POGZ: variants seen among roughly 807,000 people sequenced by gnomAD.
POGZ encodes pogo transposable element with ZNF domain.
POGZ carries 17 observed loss-of-function variants against 134.6 expected under a neutral mutation model. The ratio of observed to expected loss-of-function variants is 0.13; its 90% CI spans 0.09 to 0.19. POGZ has a LOEUF of 0.19. POGZ is among the 10% of genes least tolerant of loss of function. The pLI is 1.00. For missense variants in POGZ, 1,306 were observed against 1,769.7 expected, an observed-to-expected ratio of 0.74 and a Z score of 4.70; for synonymous variants, 693 against 657.1, an observed-to-expected ratio of 1.05 and a Z score of -0.84.
Position 151,406,215 on chromosome 1 carries a change from C to T in POGZ, c.2820G>A (p.Leu940=), listed in dbSNP as rs778536326. 6.2e-7 allele frequency: 1 copy of T among 1,614,180 alleles called. No homozygotes were observed. ...TCCCTTCATCCTGATCATCAACATT[C>T]AGACATTCGGCTCCCTCTGTAGCCA... The part of the protein sequence containing the change: ...PPLATEGAEC[L]NVDDQDEGSP... Residue 940 remains leucine (L), a synonymous_variant, in exon 19 of 19, where the codon CTG becomes CTA. Coordinates refer to ENST00000271715, the MANE Select transcript of POGZ (RefSeq NM_015100.4).
At position 151,428,138 on chromosome 1, in the gene POGZ, T is replaced by C. The variant is rs1321973662; in HGVS notation, c.844A>G (p.Thr282Ala). 2 of 1,614,106 alleles carry C rather than the reference T, an allele frequency of 1.2e-6. No homozygotes were observed. Among genetic ancestry groups the C allele is most frequent in the South Asian group, 1.1e-5 (1 of 91,082 alleles). ...GAAGCCTTACCTAGCTTGGGATTCG[T>C]GGTCTGGTTTGACTGGCCTGGAGAC... Reference protein sequence around the residue: ...VQSPGQSNQTTNPKLAPSFPS... With the variant: ...VQSPGQSNQTANPKLAPSFPS... The change falls in exon 6 of 19, where the codon ACG (threonine) becomes GCG (alanine). Residue 282 changes from threonine to alanine, a missense_variant. By Grantham distance (58) the Thr-to-Ala change is moderately conservative. This residue lies in a region of POGZ where 541 missense variants were observed against 680.5 expected (regional missense o/e 0.80). Coordinates refer to ENST00000271715, the MANE Select transcript of POGZ (RefSeq NM_015100.4).
chr1:151,427,971 T>C lies in POGZ; in HGVS notation c.930A>G (p.Thr310=), dbSNP rs115103475. The C allele has an allele frequency of 3.0e-3, 4,853 of 1,614,194 alleles. 103 individuals carry two copies. In the African/African-American group the frequency reaches 0.051, roughly 17 times the overall value. ...SFVTVKRPGV[T]GENSNEVAKL... ...TGGCCACTTCATTGCTATTTTCGCC[T>C]GTAACACCAGGTCGCTTCACAGTGA... Residue 310 remains threonine (T), a synonymous_variant, in exon 7 of 19, where the codon ACA becomes ACG. Coordinates refer to ENST00000271715, the MANE Select transcript of POGZ (RefSeq NM_015100.4).
At chr1:151,456,098 C>T (rs190720706) in intron 1 of POGZ, among the ~76,000 whole-genome samples, 5 of 151,980 alleles carry the variant, frequency 3.3e-5, no homozygotes, top group Non-Finnish European at 7.4e-5. Context: ...CCACATCAAT[C>T]CACTTTTTTA....
chr1:151,416,862 GCTCAAGCAAT>G (rs1217440050), intron 10 of POGZ, among the ~76,000 whole-genome samples: 1 of 151,936 alleles, frequency 6.6e-6, no homozygotes, highest in Non-Finnish European at 1.5e-5. Context: ...AAACTCCTGG[GCTCAAGCAAT>G]CCTCACGCCT....
chr1:151,446,274 A>AAAAAAG lies in POGZ; in HGVS notation c.-1-4070_-1-4069insCTTTTT, dbSNP rs139456031. ...ATAAGGAAAAAAAAAAAAAAAAAAA[A>AAAAAAG]CGAATTTTATTCCCTCTTCCCTAAT... On this transcript the variant is annotated intron_variant, in intron 1 of 18. Coordinates refer to ENST00000271715, the MANE Select transcript of POGZ (RefSeq NM_015100.4). Among the ~76,000 whole-genome samples the AAAAAAG allele has an allele frequency of 2.5e-4, 32 of 126,230 alleles. 3 individuals carry two copies. The highest frequency in any genetic ancestry group is 3.5e-4 in the Non-Finnish European group (21 of 59,592). 82.8% of individuals were successfully genotyped at this position (126,230 alleles called of 152,430 possible).
chr1:151,446,599 T>C (rs1661308212), intron 1 of POGZ, among the ~76,000 whole-genome samples: 1 of 151,380 alleles, frequency 6.6e-6, no homozygotes, highest in Non-Finnish European at 1.5e-5. Flanking sequence ...CTACTAAAAA[T>C]ACAAAAATTA....
At chr1:151,423,852 AG>A in intron 9 of POGZ, 96 bp downstream of exon 9, 4 of 881,300 alleles carry the variant, frequency 4.5e-6, no homozygotes, top group Non-Finnish European at 6.9e-6. Context: ...ACTGCATAGT[AG>A]TTAGGTCCAT....
intron 1 of POGZ, among the ~76,000 whole-genome samples, chr1:151,449,570 T>C (rs1309238214): frequency 6.6e-6 from 1 of 152,170 alleles, no homozygotes; most frequent in African/African-American, 2.4e-5. Context: ...CCACATTCTA[T>C]ACATAAAGAA....
intron 3 of POGZ, among the ~76,000 whole-genome samples, chr1:151,434,659 T>G (rs1659285947): frequency 6.6e-6 from 1 of 152,146 alleles, no homozygotes; most frequent in South Asian, 2.1e-4. Flanking sequence ...CTTGGCTCAC[T>G]GCAACCTCTG....
chr1:151,411,778 C>T lies in POGZ; in HGVS notation c.1780-7G>A. 6.2e-7 allele frequency: 1 copy of T among 1,603,854 alleles called. No individual in the cohort carries two copies. Among genetic ancestry groups the T allele is most frequent in the South Asian group, 1.1e-5 (1 of 89,196 alleles). On this transcript the variant is annotated splice_polypyrimidine_tract_variant and splice_region_variant and intron_variant, in intron 11 of 18. Transcript: ENST00000271715. ...AGGAGCGATATTGACACACCTGAGT[C>T]ACATAGGAGGGAAAATAAGGCTAAG... is the stretch of plus-strand genomic sequence containing the variant.
rs1002913022 is a variant in POGZ at position 151,403,590 on chromosome 1, A to C, written c.*1212T>G. 5.6e-5 allele frequency: 55 copies of C among 985,642 alleles called. No homozygotes were observed. The highest frequency in any genetic ancestry group is 6.6e-5 in the Non-Finnish European group (55 of 829,932). 61.1% of individuals were successfully genotyped at this position (985,642 alleles called of 1,614,324 possible). A position where few individuals can be genotyped will look rare whatever the true frequency, so the allele number is the denominator to read the frequency against. ...AATCCCTCATGCAAATTGTAGAAAA[A>C]ATTTTCTTTCCTTGAAGCTGGCAGT... On this transcript the variant is annotated 3_prime_UTR_variant, in exon 19 of 19. Transcript: ENST00000271715.
At chr1:151,410,514 G>A (rs980506069) in intron 12 of POGZ, among the ~76,000 whole-genome samples, 1 of 152,028 alleles carries the variant, frequency 6.6e-6, no homozygotes, top group African/African-American at 2.4e-5. Context: ...GACTCTTCTG[G>A]TTTTCCTCCT....
At chr1:151,454,999 G>C (rs1358461549) in intron 1 of POGZ, 2 of 151,938 alleles carry the variant, frequency 1.3e-5, no homozygotes, top group Non-Finnish European at 2.9e-5. Flanking sequence ...CCCAGCTACT[G>C]AGGAAGCTGA....
intron 2 of POGZ, 106 bp from the exon 3 acceptor site, chr1:151,441,192 A>G (rs1158069648): frequency 8.4e-6 from 7 of 831,250 alleles, no homozygotes; most frequent in Non-Finnish European, 1.3e-5. Context: ...CTATAGCCAA[A>G]AAGTTTCCTG....
chr1:151,416,253 A>G (rs1180423146), intron 10 of POGZ, among the ~76,000 whole-genome samples: 1 of 143,470 alleles, frequency 7.0e-6, no homozygotes. Context: ...AAAGAAAAGA[A>G]AAAAAAAAAG....
intron 1 of POGZ, chr1:151,450,880 T>G (rs1346940120): frequency 6.6e-6 from 1 of 151,666 alleles, no homozygotes; most frequent in African/African-American, 2.4e-5. Context: ...AGCCAAAGGT[T>G]ATGATTGTAA....
chr1:151,448,820 G>C (rs1373579013), intron 1 of POGZ, among the ~76,000 whole-genome samples: 3 of 152,074 alleles, frequency 2.0e-5, no homozygotes, highest in African/African-American at 7.2e-5. Context: ...AGCTGTGATC[G>C]AGCCACTGCA....
intron 2 of POGZ, 75 bp downstream of exon 2, chr1:151,442,006 C>G (rs1156302915): frequency 2.7e-6 from 3 of 1,113,368 alleles, no homozygotes; most frequent in Non-Finnish European, 3.9e-6. Context: ...CCTTTTCCAT[C>G]TCACACTTTG....
chr1:151,407,093 C>A, intron 16 of POGZ, 70 bp from the exon 17 acceptor site: 1 of 1,339,560 alleles, frequency 7.5e-7, no homozygotes. Flanking sequence ...AGCTTTGAGG[C>A]TTAAGAAAGA....
Sources: gnomAD v4.1 joint callset for allele counts (sites outside exome capture counted in the v4.1 genomes callset) on GRCh38, gnomAD v4.1.1 for gene constraint, gnomAD v4.1.1 regional missense constraint, MANE v1.5 for transcripts, NCBI Gene and HGNC (gene_info 2026-07-23, HGNC 2026-07-21) for gene names.